SLC28A3: variants seen among roughly 807,000 people sequenced by gnomAD.
The protein encoded by SLC28A3 is solute carrier family 28 member 3.
SLC28A3 carries 68 observed loss-of-function variants against 84.2 expected under a neutral mutation model. The ratio of observed to expected loss-of-function variants is 0.81; its 90% CI spans 0.66 to 0.99. The LOEUF is 0.99. Among genes scored for constraint, SLC28A3 ranks in the 50% least tolerant of loss-of-function variants. The pLI, the probability that SLC28A3 is intolerant of heterozygous loss-of-function variation, is 0.00. For missense variants in SLC28A3, 712 were observed against 841.5 expected (o/e 0.85, Z 1.90); for synonymous variants, 267 against 303.6 (o/e 0.88, Z 1.25).
the SLC28A3 span, among the ~76,000 whole-genome samples, chr9:84,360,953 A>G: frequency 6.6e-6 from 1 of 152,186 alleles, no homozygotes; most frequent in Non-Finnish European, 1.5e-5. Context: ...CCTGGAATAT[A>G]GTAGGTACTT....
Position 84,285,528 on chromosome 9 carries a change from G to GT in SLC28A3, c.1463dup (p.Tyr488Ter), listed in dbSNP as rs557666022. Reference sequence around the variant, plus strand: ...TCATGAAGGAAAAGGGCATGAAGATGTAGGAGCAGATTAGCTACAGAAACC... The same window carrying GT: ...TCATGAAGGAAAAGGGCATGAAGATGTTAGGAGCAGATTAGCTACAGAAACC... ...PQLSFELICS[Y>*]IFMPFSFMMG... The change falls in exon 14 of 18, where the codon TAC becomes TAAC. Residue 488 changes from tyrosine to a stop codon, truncating the protein, a stop_gained and frameshift_variant. Transcript: ENST00000376238. LOFTEE classifies it high-confidence loss of function. The GT allele has an allele frequency of 1.9e-5, 30 of 1,614,156 alleles. No homozygotes were observed. The African/African-American group carries it at 3.9e-4, about 21-fold the overall frequency.
chr9:84,367,503 T>G, the SLC28A3 span, among the ~76,000 whole-genome samples: 2 of 152,116 alleles, frequency 1.3e-5, no homozygotes, highest in Non-Finnish European at 2.9e-5. Context: ...GACGAGAGAC[T>G]GAGAAAAGAA....
chr9:84,353,392 A>G, the SLC28A3 span, among the ~76,000 whole-genome samples: 1 of 152,156 alleles, frequency 6.6e-6, no homozygotes, highest in East Asian at 1.9e-4. Flanking sequence ...ATGATATTGA[A>G]TTCTATTCCA....
At chr9:84,367,683 T>TG in the SLC28A3 span, among the ~76,000 whole-genome samples, 2 of 152,184 alleles carry the variant, frequency 1.3e-5, no homozygotes, top group African/African-American at 4.8e-5. Flanking sequence ...AGAGTGATGA[T>TG]GGGGAGAAGG....
At chr9:84,321,065 G>T (rs937804735) in intron 1 of SLC28A3, among the ~76,000 whole-genome samples, 1 of 151,990 alleles carries the variant, frequency 6.6e-6, no homozygotes, top group Non-Finnish European at 1.5e-5. Flanking sequence ...AAAGTTCAAG[G>T]TGCTACTTCT....
intron 8 of SLC28A3, among the ~76,000 whole-genome samples, chr9:84,294,955 G>T (rs1265806397): frequency 6.6e-6 from 1 of 152,126 alleles, no homozygotes; most frequent in Admixed American, 6.5e-5. Flanking sequence ...GGGAGGTGGA[G>T]GTTGCTGGGG....
chr9:84,285,197 A>G, intron 14 of SLC28A3, 148 bp downstream of exon 14: 1 of 706,060 alleles, frequency 1.4e-6, no homozygotes, highest in Non-Finnish European at 2.3e-6. Context: ...GTACATTATA[A>G]GCTCCATGAG....
chr9:84,367,226 C>G, the SLC28A3 span, among the ~76,000 whole-genome samples: 11 of 152,292 alleles, frequency 7.2e-5, no homozygotes, highest in South Asian at 4.1e-4. Flanking sequence ...CTCTTAAGGC[C>G]CAAAGTCTCT....
intron 1 of SLC28A3, among the ~76,000 whole-genome samples, chr9:84,324,189 ATC>A (rs1826472796): frequency 1.3e-5 from 2 of 152,110 alleles, no homozygotes; most frequent in Non-Finnish European, 2.9e-5. Flanking sequence ...AACTTGTTTT[ATC>A]TGTATGGGTC....
chr9:84,278,104 G>A lies in SLC28A3; in HGVS notation c.*114C>T, dbSNP rs1824589632. 9 of 1,355,450 alleles carry A rather than the reference G, an allele frequency of 6.6e-6. No individual in the cohort carries two copies. The highest frequency in any genetic ancestry group is 8.0e-6 in the Non-Finnish European group (8 of 1,005,700). 84.0% of individuals were successfully genotyped at this position (1,355,450 alleles called of 1,614,324 possible). Reference sequence around the variant, plus strand: ...TTTTTCTTCATTCCTTGCAATTAAAGCTGATTCCATTATGGAAGCATCAAT... The same window carrying A: ...TTTTTCTTCATTCCTTGCAATTAAAACTGATTCCATTATGGAAGCATCAAT... On this transcript the variant is annotated 3_prime_UTR_variant, in exon 18 of 18. Transcript: ENST00000376238.
At chr9:84,331,314 G>A (rs1275875957) in intron 1 of SLC28A3, among the ~76,000 whole-genome samples, 2 of 152,150 alleles carry the variant, frequency 1.3e-5, no homozygotes, top group Non-Finnish European at 2.9e-5. Context: ...TACTCAATGT[G>A]ATTCATATTG....
chr9:84,300,050 C>G (rs1435546722), intron 5 of SLC28A3, among the ~76,000 whole-genome samples: 1 of 152,184 alleles, frequency 6.6e-6, no homozygotes, highest in African/African-American at 2.4e-5. Context: ...CCTCGGCCTC[C>G]CAAAGTGCTG....
At chr9:84,351,962 CTG>C in the SLC28A3 span, among the ~76,000 whole-genome samples, 1 of 151,034 alleles carries the variant, frequency 6.6e-6, no homozygotes, top group South Asian at 2.1e-4. Flanking sequence ...AATGGTGAAA[CTG>C]TAATGAGAGT....
chr9:84,365,483 G>A, the SLC28A3 span, among the ~76,000 whole-genome samples: 1 of 151,896 alleles, frequency 6.6e-6, no homozygotes, highest in Non-Finnish European at 1.5e-5. Flanking sequence ...CCTTTGCTGT[G>A]CAGAAGTTTT....
At chr9:84,335,886 A>G (rs1407592331) in intron 1 of SLC28A3, among the ~76,000 whole-genome samples, 2 of 151,928 alleles carry the variant, frequency 1.3e-5, no homozygotes, top group Non-Finnish European at 2.9e-5. Context: ...CCTCATCTTT[A>G]CTCCTGAATT....
chr9:84,285,551 AC>A lies in SLC28A3; in HGVS notation c.1450-10del. On this transcript the variant is annotated splice_polypyrimidine_tract_variant and intron_variant, in intron 13 of 17. Coordinates refer to ENST00000376238, the MANE Select transcript of SLC28A3 (RefSeq NM_001199633.2). ...ATGTAGGAGCAGATTAGCTACAGAA[AC>A]CAAAAGTAGACACTTGATTAGAATA... The A allele has an allele frequency of 6.2e-7, 1 of 1,614,058 alleles. No homozygotes were observed. Among genetic ancestry groups the A allele is most frequent in the Non-Finnish European group, 8.5e-7 (1 of 1,179,970 alleles).
rs1824595275 is a variant in SLC28A3, at chr9:84,278,240, T to C, written c.2054A>G (p.Asn685Ser). 3.1e-6 allele frequency: 5 copies of C among 1,614,056 alleles called. No homozygotes were observed. The highest frequency in any genetic ancestry group is 4.5e-5 in the East Asian group (2 of 44,868). ...TLLNPSTFNC[N>S]GISNTF ...ACCTCAAAATGTATTAGAGATCCCA[T>C]TGCAGTTAAAGGTCGATGGATTCAA... Residue 685 changes from asparagine (N) to serine (S), a missense_variant, in exon 18 of 18, where the codon AAT becomes AGT. Asn to Ser is a conservative substitution (Grantham distance 46). Transcript: ENST00000376238.
At chr9:84,288,388 A>C (rs561520993) in intron 11 of SLC28A3, among the ~76,000 whole-genome samples, 1 of 152,284 alleles carries the variant, frequency 6.6e-6, no homozygotes, top group Non-Finnish European at 1.5e-5. Context: ...TAAGGGAGAC[A>C]TTTGTGCTAA....
At chr9:84,280,705 C>A in intron 15 of SLC28A3, 96 bp downstream of exon 15, 1 of 1,173,582 alleles carries the variant, frequency 8.5e-7, no homozygotes. Context: ...GTTGCAAAGG[C>A]CTTTGTTTTT....
Sources: gnomAD v4.1 joint callset for allele counts (sites outside exome capture counted in the v4.1 genomes callset) on GRCh38, gnomAD v4.1.1 for gene constraint, MANE v1.5 for transcripts, NCBI Gene and HGNC (gene_info 2026-07-23, HGNC 2026-07-21) for gene names.